NEMF: variants seen among roughly 807,000 people sequenced by gnomAD.
The protein encoded by NEMF is ribosome quality control complex subunit NEMF.
In NEMF, 89 loss-of-function variants were observed where a neutral mutation model predicts 162.2. That is an observed-to-expected ratio of 0.55 (90% confidence interval 0.46 to 0.65). The LOEUF is 0.65. Among genes scored for constraint, NEMF ranks in the 30% least tolerant of loss-of-function variants. The pLI is 0.00. For missense variants in NEMF, 1,133 were observed against 1,261.9 expected (o/e 0.90, Z 1.55); for synonymous variants, 421 against 404.5 (o/e 1.04, Z -0.49).
At chr14:49,832,482 C>T (rs1370282620) in intron 8 of NEMF, among the ~76,000 whole-genome samples, 2 of 152,010 alleles carry the variant, frequency 1.3e-5, no homozygotes, top group African/African-American at 4.8e-5. Context: ...CAGGTGTGTG[C>T]CACCATACCT....
chr14:49,798,822 G>A (rs1402757978), intron 25 of NEMF, among the ~76,000 whole-genome samples: 1 of 151,938 alleles, frequency 6.6e-6, no homozygotes, highest in African/African-American at 2.4e-5. Context: ...CAGGAGAACG[G>A]CGTGAACCCG....
At chr14:49,806,971 A>C (rs531247742) in intron 18 of NEMF, among the ~76,000 whole-genome samples, 1 of 152,212 alleles carries the variant, frequency 6.6e-6, no homozygotes, top group South Asian at 2.1e-4. Flanking sequence ...ATGACCATCA[A>C]TACTATTTAA....
chr14:49,796,646 C>T (rs865838573), intron 25 of NEMF, among the ~76,000 whole-genome samples: 8 of 152,144 alleles, frequency 5.3e-5, no homozygotes, highest in Middle Eastern at 3.2e-3. Flanking sequence ...CCACCACATC[C>T]GGCCATTAAC....
chr14:49,851,979 G>T, intron 1 of NEMF, 104 bp from the exon 2 acceptor site: 1 of 688,764 alleles, frequency 1.5e-6, no homozygotes, highest in Non-Finnish European at 2.4e-6. Context: ...CAGTCTCTAA[G>T]GATATGGAGT....
At chr14:49,840,971 C>G (rs533680330) in intron 4 of NEMF, 105 bp from the exon 5 acceptor site, 4 of 926,688 alleles carry the variant, frequency 4.3e-6, no homozygotes, top group Non-Finnish European at 6.3e-6. Flanking sequence ...CCGAGGCAGG[C>G]AGATCACTTG....
intron 26 of NEMF, among the ~76,000 whole-genome samples, chr14:49,794,786 T>C (rs953847116): frequency 2.0e-5 from 3 of 150,862 alleles, no homozygotes; most frequent in East Asian, 3.9e-4. Context: ...TGGCGTGATC[T>C]TGGCTCACTG....
chr14:49,786,291 T>C (rs1890175865), intron 29 of NEMF: 1 of 170,968 alleles, frequency 5.8e-6, no homozygotes, highest in South Asian at 1.4e-4. Flanking sequence ...TTACCCATTA[T>C]TAAGGAGAAA....
intron 1 of NEMF, 51 bp from the exon 2 acceptor site, chr14:49,851,926 A>G (rs1179353536): frequency 9.3e-7 from 1 of 1,077,110 alleles, no homozygotes; most frequent in African/African-American, 1.6e-5. Flanking sequence ...TCTGAAACAT[A>G]AAACTACACA....
At chr14:49,825,348 CA>C (rs1278212052) in intron 16 of NEMF, among the ~76,000 whole-genome samples, 2 of 152,212 alleles carry the variant, frequency 1.3e-5, no homozygotes, top group South Asian at 4.1e-4. Context: ...GCAATATAAA[CA>C]TATTACTAAG....
chr14:49,844,639 T>C (rs1804665550), intron 4 of NEMF, among the ~76,000 whole-genome samples: 1 of 152,164 alleles, frequency 6.6e-6, no homozygotes, highest in Non-Finnish European at 1.5e-5. Flanking sequence ...AATTTGTTTT[T>C]TATTTTTTAA....
intron 23 of NEMF, among the ~76,000 whole-genome samples, chr14:49,800,099 G>A (rs1890886635): frequency 6.6e-6 from 1 of 152,092 alleles, no homozygotes; most frequent in Admixed American, 6.6e-5. Flanking sequence ...TATAACTATG[G>A]ACTATTCACC....
intron 16 of NEMF, among the ~76,000 whole-genome samples, chr14:49,817,216 G>T (rs1351808041): frequency 6.6e-6 from 1 of 152,150 alleles, no homozygotes; most frequent in Non-Finnish European, 1.5e-5. Flanking sequence ...GCCAACGCAG[G>T]CATATCACTT....
intron 5 of NEMF, among the ~76,000 whole-genome samples, chr14:49,840,116 C>T (rs964452187): frequency 2.0e-5 from 3 of 151,932 alleles, no homozygotes; most frequent in East Asian, 3.9e-4. Flanking sequence ...GCTATGATCA[C>T]GCCAACTGCA....
intron 16 of NEMF, 91 bp downstream of exon 16, chr14:49,825,776 G>A (rs778092091): frequency 1.2e-6 from 1 of 826,104 alleles, no homozygotes; most frequent in Non-Finnish European, 1.9e-6. Context: ...TTTGTAACAA[G>A]CTTTGTAGAA....
At chr14:49,827,089 A>G (rs1326701044) in intron 15 of NEMF, among the ~76,000 whole-genome samples, 2 of 152,192 alleles carry the variant, frequency 1.3e-5, no homozygotes, top group East Asian at 3.9e-4. Context: ...AGAGGGGAGG[A>G]GATCTCCCGT....
rs778168871 is a variant in NEMF, at chr14:49,838,166, G to A, written c.547C>T (p.Leu183=). ...IVASAPKGEL[L]KRVLNPLLPY... is the part of the protein sequence containing the mutation. ...AGTAATGGGTTAAGCACCCTCTTCAGTAGTTCACCCTTAGGTGCGCTGGCT... is the reference window on the plus strand; with the variant it reads ...AGTAATGGGTTAAGCACCCTCTTCAATAGTTCACCCTTAGGTGCGCTGGCT... Residue 183 remains leucine, a synonymous_variant, in exon 6 of 33, where the codon CTG becomes TTG. Coordinates refer to ENST00000298310, the MANE Select transcript of NEMF (RefSeq NM_004713.6). 12 of 1,613,802 alleles carry A rather than the reference G, an allele frequency of 7.4e-6. No homozygotes were observed. The highest frequency in any genetic ancestry group is 1.0e-5 in the Non-Finnish European group (12 of 1,179,848).
intron 16 of NEMF, among the ~76,000 whole-genome samples, chr14:49,825,518 T>C (rs1005122762): frequency 2.6e-5 from 4 of 152,144 alleles, no homozygotes; most frequent in African/African-American, 9.7e-5. Context: ...GGAGGATCTC[T>C]TGAGCCTAGA....
At chr14:49,800,738 C>CCAAGCA (rs1566659965) in intron 22 of NEMF, 42 bp from the exon 23 acceptor site, 3 of 1,556,300 alleles carry the variant, frequency 1.9e-6, no homozygotes, top group Non-Finnish European at 2.6e-6. Context: ...GGACTACCAA[C>CCAAGCA]CAAGCCAGGT....
At chr14:49,795,115 A>T (rs952663261) in intron 26 of NEMF, among the ~76,000 whole-genome samples, 7 of 152,028 alleles carry the variant, frequency 4.6e-5, no homozygotes, top group Admixed American at 3.9e-4. Flanking sequence ...CAGGAAGATC[A>T]CTTGAGCCTG....
Sources: allele counts gnomAD v4.1 joint callset (sites outside exome capture counted in the v4.1 genomes callset), GRCh38; gene constraint gnomAD v4.1.1; transcripts MANE v1.5; gene names NCBI Gene and HGNC (gene_info 2026-07-23, HGNC 2026-07-21).